Variants in ZMIZ2 observed in about 807,000 individuals in gnomAD.
ZMIZ2 encodes zinc finger MIZ-type containing 2, also known as zinc finger MIZ domain-containing protein 2.
Under a neutral mutation model 93.9 loss-of-function variants are expected in ZMIZ2, and 26 were observed. That is an observed-to-expected ratio of 0.28 (90% CI 0.20 to 0.38). ZMIZ2 has a LOEUF of 0.38. ZMIZ2 is among the 10% of genes least tolerant of loss of function. The pLI, the probability that ZMIZ2 is intolerant of heterozygous loss-of-function variation, is 1.00. For missense variants in ZMIZ2, 1,023 were observed against 1,235.0 expected, an observed-to-expected ratio of 0.83 and a Z score of 2.57; for synonymous variants, 485 against 516.4, an observed-to-expected ratio of 0.94 and a Z score of 0.82.
At chr7:44,756,568 A>G in intron 3 of ZMIZ2, 29 bp downstream of exon 3, 1 of 1,610,152 alleles carries the variant, frequency 6.2e-7, no homozygotes, top group Non-Finnish European at 8.5e-7. Context: ...CCCACCCCCG[A>G]GCAGACAGAG....
chr7:44,765,235 G>C lies in ZMIZ2; in HGVS notation c.1998-100G>C, dbSNP rs1469133833. On this transcript the variant is annotated intron_variant, in intron 15 of 18. Transcript: ENST00000309315. This position sits in a 1 kb window ranked among gnomAD's most constrained non-coding sequence, Gnocchi z 4.1. ...GCTGGGTGGAAGCAAGCATTTGAGTGGGGGAACCTGCCTGGAAACAGCCCA... is the reference window on the plus strand; with the variant it reads ...GCTGGGTGGAAGCAAGCATTTGAGTCGGGGAACCTGCCTGGAAACAGCCCA... The C allele has an allele frequency of 2.6e-6, 4 of 1,564,724 alleles. No individual in the cohort carries two copies. The highest frequency in any genetic ancestry group is 2.7e-5 in the African/African-American group (2 of 74,250).
intron 18 of ZMIZ2, 122 bp from the exon 19 acceptor site, chr7:44,767,391 TGAG>T (rs1791824872): frequency 2.4e-6 from 2 of 839,940 alleles, no homozygotes; most frequent in Non-Finnish European, 3.9e-6. Flanking sequence ...GGCCTGTGTG[TGAG>T]GAGGGGCTGC....
Position 44,763,744 on chromosome 7 carries a change from A to C in ZMIZ2, c.1860+331A>C. On this transcript the variant is annotated intron_variant, in intron 13 of 18. Transcript: ENST00000309315. This position sits in a 1 kb window ranked among gnomAD's most constrained non-coding sequence, Gnocchi z 5.6. ...CGTTAGCATCTGTCTTTGCAGAAAT[A>C]CTCTGGGTATGAACAAGTAGATGCA... The C allele has an allele frequency of 3.5e-6, 1 of 283,348 alleles. No homozygotes were observed. Among genetic ancestry groups the C allele is most frequent in the Non-Finnish European group, 6.7e-6 (1 of 150,100 alleles). 17.6% of individuals were successfully genotyped at this position (283,348 alleles called of 1,614,324 possible).
intron 11 of ZMIZ2, 149 bp downstream of exon 11, chr7:44,762,054 G>C: frequency 8.5e-6 from 9 of 1,061,350 alleles, no homozygotes; most frequent in Non-Finnish European, 1.1e-5. Context: ...GGGCGGGCCG[G>C]CCTGCAGCAC....
At chr7:44,748,705 C>G (rs1439308290), upstream of ZMIZ2, 2 of 150,998 alleles carry the variant, frequency 1.3e-5, no homozygotes, top group African/African-American at 4.8e-5. Flanking sequence ...GCGGCCCTGG[C>G]CCCACCCTGC....
At chr7:44,754,392 C>A (rs575843882) in intron 1 of ZMIZ2, among the ~76,000 whole-genome samples, 1 of 152,300 alleles carries the variant, frequency 6.6e-6, no homozygotes, top group African/African-American at 2.4e-5. Context: ...TCAAGTCTTG[C>A]CTCCCCTGAG....
In ZMIZ2 at chr7:44,766,549, C is replaced by T. The variant is rs1208289940; in HGVS notation, c.2541C>T (p.Ser847=). The stretch of plus-strand genomic sequence containing the variant: ...ACCCTCCCCCAGCGTCCCGGCAGTC[C>T]TTGGGCCAAGCGAGCTTAGGACCTA... ...HSNPPPASRQ[S]LGQASLGPTG... Residue 847 remains serine, a synonymous_variant, in exon 18 of 19, where the codon TCC becomes TCT. Transcript: ENST00000309315. This position sits in a 1 kb window ranked among gnomAD's most constrained non-coding sequence, Gnocchi z 4.4. The T allele has an allele frequency of 6.2e-7, 1 of 1,613,922 alleles. No homozygotes were observed. The highest frequency in any genetic ancestry group is 8.5e-7 in the Non-Finnish European group (1 of 1,180,048).
In ZMIZ2 at chr7:44,766,687, G is replaced by A. The variant is rs753918784; in HGVS notation, c.2655+24G>A. The A allele has an allele frequency of 8.7e-6, 14 of 1,608,776 alleles. No individual in the cohort carries two copies. The African/African-American group carries it at 1.7e-4, about 20-fold the overall frequency. On this transcript the variant is annotated intron_variant, in intron 18 of 18. Transcript: ENST00000309315. This position sits in a 1 kb window ranked among gnomAD's most constrained non-coding sequence, Gnocchi z 4.4. ...ACGTGAGTACCAGGCCCCATGCGGG[G>A]GAGTGCGTGGGAGCCAGGGCTAGAG...
At chr7:44,752,901 T>TA (rs1790279498) in intron 1 of ZMIZ2, among the ~76,000 whole-genome samples, 1 of 152,266 alleles carries the variant, frequency 6.6e-6, no homozygotes, top group Non-Finnish European at 1.5e-5. Flanking sequence ...CATAGTAGGG[T>TA]AGCTGCTTGC....
chr7:44,762,748 G>A, intron 11 of ZMIZ2, 133 bp from the exon 12 acceptor site: 3 of 466,566 alleles, frequency 6.4e-6, no homozygotes, highest in Admixed American at 3.3e-5. Context: ...CCCACCCCCA[G>A]CTCACCCTGC....
chr7:44,766,676 C>T lies in ZMIZ2; in HGVS notation c.2655+13C>T, dbSNP rs200299227. The T allele has an allele frequency of 7.4e-4, 1,200 of 1,612,180 alleles. 1 individual carries two copies. The highest frequency in any genetic ancestry group is 9.3e-4 in the Non-Finnish European group (1,099 of 1,179,374). ...ACCAGCTCTGGACGTGAGTACCAGGCCCCATGCGGGGGAGTGCGTGGGAGC... is the reference window on the plus strand; with the variant it reads ...ACCAGCTCTGGACGTGAGTACCAGGTCCCATGCGGGGGAGTGCGTGGGAGC... On this transcript the variant is annotated intron_variant, in intron 18 of 18. Coordinates refer to ENST00000309315, the MANE Select transcript of ZMIZ2 (RefSeq NM_031449.4). This position sits in a 1 kb window ranked among gnomAD's most constrained non-coding sequence, Gnocchi z 4.4.
At position 44,765,531 on chromosome 7, in the gene ZMIZ2, C is replaced by A. The variant is rs776541084; in HGVS notation, c.2194C>A (p.Pro732Thr). ...ALGPGAAPFA[P>T]LQPPSVPAPS... Reference sequence around the variant, plus strand: ...GGGCCCCGGCGCTGCCCCCTTTGCCCCCCTGCAGCCCCCCTCAGTCCCTGC... The same window carrying A: ...GGGCCCCGGCGCTGCCCCCTTTGCCACCCTGCAGCCCCCCTCAGTCCCTGC... The change falls in exon 16 of 19, where the codon CCC (proline) becomes ACC (threonine). Residue 732 changes from proline (P) to threonine (T), a missense_variant. Coordinates refer to ENST00000309315, the MANE Select transcript of ZMIZ2 (RefSeq NM_031449.4). This position sits in a 1 kb window ranked among gnomAD's most constrained non-coding sequence, Gnocchi z 4.1. The A allele has an allele frequency of 5.3e-6, 8 of 1,504,050 alleles. No homozygotes were observed. The highest frequency in any genetic ancestry group is 6.2e-6 in the Non-Finnish European group (7 of 1,123,378). The allele number at this position is 1,504,050 out of a possible 1,614,324, so 93.2% of individuals were successfully genotyped here.
At chr7:44,752,462 C>T (rs78051573) in intron 1 of ZMIZ2, among the ~76,000 whole-genome samples, 1 of 152,118 alleles carries the variant, frequency 6.6e-6, no homozygotes, top group Non-Finnish European at 1.5e-5. Context: ...CTTATATTCA[C>T]GCCCACCTTC....
At chr7:44,758,903 G>GA (rs1220400546) in intron 6 of ZMIZ2, among the ~76,000 whole-genome samples, 2 of 120,666 alleles carry the variant, frequency 1.7e-5, no homozygotes, top group Non-Finnish European at 3.4e-5. Flanking sequence ...GACAGAATAA[G>GA]ACTCCATCTC....
intron 14 of ZMIZ2, 146 bp from the exon 15 acceptor site, chr7:44,764,795 G>T: frequency 1.2e-6 from 1 of 800,908 alleles, no homozygotes. Flanking sequence ...CATAGGGTCA[G>T]CTCACACAGA....
Position 44,765,447 on chromosome 7 carries a change from C to G in ZMIZ2, c.2110C>G (p.Arg704Gly). Reference sequence around the variant, plus strand: ...GGATGGGCCAGCACTGAAGCGCTGCCGCACCGTGAGCCCCGCCCACGTGCT... The same window carrying G: ...GGATGGGCCAGCACTGAAGCGCTGCGGCACCGTGAGCCCCGCCCACGTGCT... The part of the protein sequence containing the change: ...EPDGPALKRC[R>G]TVSPAHVLMP... The change falls in exon 16 of 19, where the codon CGC becomes GGC. Residue 704 changes from arginine (R) to glycine (G), a missense_variant. Transcript: ENST00000309315. This position sits in a 1 kb window ranked among gnomAD's most constrained non-coding sequence, Gnocchi z 4.1. 6.2e-7 allele frequency: 1 copy of G among 1,607,922 alleles called. No homozygotes were observed. Among genetic ancestry groups the G allele is most frequent in the Non-Finnish European group, 8.5e-7 (1 of 1,179,918 alleles).
rs1791577008 is a variant in ZMIZ2 at position 44,765,187 on chromosome 7, G to C, written c.1998-148G>C. 6.7e-7 allele frequency: 1 copy of C among 1,482,504 alleles called. No homozygotes were observed. The highest frequency in any genetic ancestry group is 9.1e-7 in the Non-Finnish European group (1 of 1,094,956). 91.8% of individuals were successfully genotyped at this position (1,482,504 alleles called of 1,614,324 possible). On this transcript the variant is annotated intron_variant, in intron 15 of 18. Transcript: ENST00000309315. This position sits in a 1 kb window ranked among gnomAD's most constrained non-coding sequence, Gnocchi z 4.1. Reference sequence around the variant, plus strand: ...TACCTGAGTGTTGGTGCTGGGCCCAGCGTCCTGCTCGATGTGGAAGGTGCT... The same window carrying C: ...TACCTGAGTGTTGGTGCTGGGCCCACCGTCCTGCTCGATGTGGAAGGTGCT...
intron 8 of ZMIZ2, 58 bp downstream of exon 8, chr7:44,760,286 G>A: frequency 6.3e-7 from 1 of 1,575,240 alleles, no homozygotes; most frequent in Non-Finnish European, 8.6e-7. Context: ...CATATGGAGA[G>A]AGGGCGACCG....
chr7:44,758,434 G>A (rs1790809953), intron 6 of ZMIZ2, among the ~76,000 whole-genome samples: 2 of 149,416 alleles, frequency 1.3e-5, no homozygotes, highest in Admixed American at 6.7e-5. Context: ...TCGCTCCCCT[G>A]CACTTCAGGC....
Sources: gnomAD v4.1 joint callset for allele counts (sites outside exome capture counted in the v4.1 genomes callset) on GRCh38, gnomAD v4.1.1 for gene constraint, Gnocchi (gnomAD v3.1) non-coding constraint, MANE v1.5 for transcripts, NCBI Gene and HGNC (gene_info 2026-07-23, HGNC 2026-07-21) for gene names.